The following FOXP1 variants were observed in gnomAD, a reference collection of about 807,000 sequenced individuals.
The protein encoded by FOXP1 is forkhead box protein P1.
In FOXP1, 15 loss-of-function variants were observed where a neutral mutation model predicts 98.2. The observed-to-expected ratio is 0.15, with a 90% CI of 0.10 to 0.24. FOXP1 has a LOEUF of 0.24. Among genes scored for constraint, FOXP1 ranks in the 10% least tolerant of loss-of-function variants. The pLI is 1.00. For synonymous variants in FOXP1, 371 were observed against 314.5 expected (o/e 1.18, Z -1.90); for missense variants, 633 against 848.5 (o/e 0.75, Z 3.15).
chr3:71,214,085 G>T (rs12492363), intron 5 of FOXP1, among the ~76,000 whole-genome samples: 1 of 152,068 alleles, frequency 6.6e-6, no homozygotes, highest in African/African-American at 2.4e-5. Flanking sequence ...GTGATAAAGC[G>T]TACTTAGGTG....
intron 7 of FOXP1, among the ~76,000 whole-genome samples, chr3:71,111,544 C>T (rs1169752625): frequency 6.6e-6 from 1 of 152,052 alleles, no homozygotes; most frequent in Non-Finnish European, 1.5e-5. Flanking sequence ...ATTACAGGCA[C>T]CCGCCACCAA....
chr3:71,550,459 T>C (rs1202530376), intron 2 of FOXP1, among the ~76,000 whole-genome samples: 1 of 152,190 alleles, frequency 6.6e-6, no homozygotes, highest in Admixed American at 6.5e-5. Context: ...CAAACTAATA[T>C]TTATAAAAAC....
intron 11 of FOXP1, among the ~76,000 whole-genome samples, chr3:71,038,096 C>T (rs945620273): frequency 6.6e-6 from 1 of 152,146 alleles, no homozygotes; most frequent in African/African-American, 2.4e-5. Flanking sequence ...AGTGGCTGCT[C>T]ACAGGAGCCA....
intron 3 of FOXP1, among the ~76,000 whole-genome samples, chr3:71,407,565 TATCTTTAAAAGA>T (rs2082437935): frequency 6.6e-6 from 1 of 152,188 alleles, no homozygotes; most frequent in East Asian, 1.9e-4. Context: ...AATGACATCC[TATCTTTAAAAGA>T]AGTTCCAAGA....
rs1439096817 is a variant in FOXP1, at chr3:71,478,943, CT to C, written c.-168+14482del. 2.6e-5 allele frequency among the ~76,000 whole-genome samples: 4 copies of C among 152,310 alleles called. No individual in the cohort carries two copies. In the East Asian group the frequency reaches 7.7e-4, roughly 29 times the overall value. On this transcript the variant is annotated intron_variant, in intron 3 of 20. Transcript: ENST00000649528. ...GAAAGGAGGGGGGGAGGGAAAGTCA[CT>C]TGGAGAAAGCTGAAAGAAAATGAAG...
intron 7 of FOXP1, among the ~76,000 whole-genome samples, chr3:71,111,324 T>A (rs942481975): frequency 2.0e-5 from 3 of 152,200 alleles, no homozygotes; most frequent in Non-Finnish European, 4.4e-5. Flanking sequence ...AACGTGAGCA[T>A]GAAGACCCTG....
intron 5 of FOXP1, among the ~76,000 whole-genome samples, chr3:71,227,716 T>C (rs1246462324): frequency 6.7e-6 from 1 of 150,240 alleles, no homozygotes; most frequent in Non-Finnish European, 1.5e-5. Context: ...ATGGTTACCA[T>C]CATGCTCAAT....
rs548356469 is a variant in FOXP1, at chr3:70,976,638, T to C, written c.1530+303A>G. 9.2e-5 allele frequency among the ~76,000 whole-genome samples: 14 copies of C among 152,310 alleles called. No homozygotes were observed. The South Asian group carries it at 2.7e-3, about 29-fold the overall frequency. ...CGGCATGAGGTTTGTGCAAGTAATATGGCAACCTCCACTTCTGGGCGACGG... is the reference window on the plus strand; with the variant it reads ...CGGCATGAGGTTTGTGCAAGTAATACGGCAACCTCCACTTCTGGGCGACGG... On this transcript the variant is annotated intron_variant, in intron 17 of 20. Transcript: ENST00000649528.
At chr3:71,025,382 C>T (rs1291016796) in intron 11 of FOXP1, among the ~76,000 whole-genome samples, 1 of 152,082 alleles carries the variant, frequency 6.6e-6, no homozygotes, top group Non-Finnish European at 1.5e-5. Context: ...AGCTGCTGGG[C>T]CATGGACCAT....
chr3:71,505,260 C>G (rs919183836), intron 2 of FOXP1, among the ~76,000 whole-genome samples: 80 of 152,106 alleles, frequency 5.3e-4, no homozygotes, highest in Middle Eastern at 6.8e-3. Flanking sequence ...TCAGGCAAAC[C>G]CGGGAAGCAG....
chr3:71,547,683 G>A (rs1245122130), intron 2 of FOXP1, among the ~76,000 whole-genome samples: 1 of 152,196 alleles, frequency 6.6e-6, no homozygotes, highest in East Asian at 1.9e-4. Flanking sequence ...AATTAGTCCT[G>A]GCACAATTAC....
At chr3:71,068,188 T>C (rs1380029426) in intron 7 of FOXP1, among the ~76,000 whole-genome samples, 1 of 152,164 alleles carries the variant, frequency 6.6e-6, no homozygotes, top group Non-Finnish European at 1.5e-5. Context: ...ACCTGTCAGT[T>C]GCTAAATGAG....
rs181878034 is a variant in FOXP1 at position 71,173,958 on chromosome 3, T to A, written c.180+24244A>T. 7.2e-5 allele frequency among the ~76,000 whole-genome samples: 11 copies of A among 152,286 alleles called. No individual in the cohort carries two copies. The East Asian group carries it at 2.1e-3, about 29-fold the overall frequency. ...AAATAAAGTTACCAATCTTACAGTA[T>A]CATGTGATTAGCAGGGGAACTTTAC... On this transcript the variant is annotated intron_variant, in intron 6 of 20. Coordinates refer to ENST00000649528, the MANE Select transcript of FOXP1 (RefSeq NM_001349338.3).
rs139568029 is a variant in FOXP1, at chr3:71,474,701, T to C, written c.-168+18725A>G. Among the ~76,000 whole-genome samples, 119 of 151,782 alleles carry C rather than the reference T, an allele frequency of 7.8e-4. 1 individual carries two copies. The highest frequency in any genetic ancestry group is 2.7e-3 in the African/African-American group (113 of 41,378). On this transcript the variant is annotated intron_variant, in intron 3 of 20. Transcript: ENST00000649528. ...TAATGCCTGATGATCTGTCACTGTC[T>C]CCCATCAACCCCAGATGGGACCATC...
At chr3:71,104,080 C>T (rs2057221449) in intron 7 of FOXP1, among the ~76,000 whole-genome samples, 3 of 152,044 alleles carry the variant, frequency 2.0e-5, no homozygotes, top group Admixed American at 2.0e-4. Context: ...GAGTATTTTA[C>T]CACTTTGGGG....
chr3:71,005,151 G>A (rs1312385419), intron 12 of FOXP1, among the ~76,000 whole-genome samples: 1 of 151,154 alleles, frequency 6.6e-6, no homozygotes, highest in Non-Finnish European at 1.5e-5. Context: ...TTAATTTTTT[G>A]GTAGACTGCC....
rs529947993 is a variant in FOXP1, at chr3:71,298,208, T to A, written c.-12+1612A>T. Among the ~76,000 whole-genome samples the A allele has an allele frequency of 5.9e-4, 90 of 152,272 alleles. 1 individual carries two copies. The South Asian group carries it at 0.018, about 31-fold the overall frequency. ...GAGGCCGGGAGCAGTGCCTCACGCC[T>A]GTAATCCCAACACTTTGGGAGGCCG... is the stretch of plus-strand genomic sequence containing the variant. On this transcript the variant is annotated intron_variant, in intron 5 of 20. Coordinates refer to ENST00000649528, the MANE Select transcript of FOXP1 (RefSeq NM_001349338.3).
At chr3:71,255,718 C>G (rs756844778) in intron 5 of FOXP1, among the ~76,000 whole-genome samples, 1 of 152,194 alleles carries the variant, frequency 6.6e-6, no homozygotes, top group South Asian at 2.1e-4. Context: ...GATGAGTAAT[C>G]CTTGGAGATG....
At chr3:71,454,639 T>C (rs1371866027) in intron 3 of FOXP1, among the ~76,000 whole-genome samples, 1 of 152,114 alleles carries the variant, frequency 6.6e-6, no homozygotes, top group East Asian at 1.9e-4. Flanking sequence ...TTGACCTCCA[T>C]GCACCTCAAG....
Sources: allele counts gnomAD v4.1 joint callset (sites outside exome capture counted in the v4.1 genomes callset), GRCh38; gene constraint gnomAD v4.1.1; transcripts MANE v1.5; gene names NCBI Gene and HGNC (gene_info 2026-07-23, HGNC 2026-07-21).